SLC2A9: variants seen among roughly 807,000 people sequenced by gnomAD.
The protein encoded by SLC2A9 is solute carrier family 2, facilitated glucose transporter member 9.
Under a neutral mutation model 50.6 loss-of-function variants are expected in SLC2A9, and 39 were observed. The ratio of observed to expected loss-of-function variants is 0.77; its 90% CI spans 0.60 to 1.01. The LOEUF is 1.01. SLC2A9 is among the 50% of genes least tolerant of loss of function. The pLI is 0.00. For missense variants in SLC2A9, 686 were observed against 677.6 expected (o/e 1.01, Z -0.14); for synonymous variants, 324 against 276.9 (o/e 1.17, Z -1.69).
At chr4:9,888,116 T>G (rs6858614) in intron 9 of SLC2A9, among the ~76,000 whole-genome samples, 59,852 of 103,368 alleles carry the variant, frequency 0.58, 14,999 homozygotes, top group African/African-American at 0.76. Context: ...GGGCCTGTTT[T>G]GGGGGGTGGG....
intron 3 of SLC2A9, among the ~76,000 whole-genome samples, chr4:9,991,653 T>C (rs760632676): frequency 3.9e-5 from 6 of 152,028 alleles, no homozygotes; most frequent in Non-Finnish European, 8.8e-5. Flanking sequence ...TTTAAAGAGA[T>C]AATTAAACTA....
In SLC2A9 at chr4:9,980,578, G is replaced by A. The variant is rs780345976; in HGVS notation, c.681+14C>T. The A allele has an allele frequency of 1.9e-6, 3 of 1,614,002 alleles. No homozygotes were observed. The highest frequency in any genetic ancestry group is 8.5e-7 in the Non-Finnish European group (1 of 1,179,994). On this transcript the variant is annotated intron_variant, in intron 5 of 11. Coordinates refer to ENST00000264784, the MANE Select transcript of SLC2A9 (RefSeq NM_020041.3). ...GATGAGAGCAGATGCGGTTGACCAG[G>A]GAGCCACACTCACCTTTCCCAGCAG...
chr4:9,905,453 C>T (rs1740487237), intron 8 of SLC2A9, among the ~76,000 whole-genome samples: 1 of 152,226 alleles, frequency 6.6e-6, no homozygotes, highest in African/African-American at 2.4e-5. Context: ...GACTGAGATC[C>T]ACTGGGTCCA....
Position 10,026,937 on chromosome 4 carries a change from G to C in SLC2A9, c.-40-931C>G, listed in dbSNP as rs188143763. On this transcript the variant is annotated intron_variant, in intron 1 of 12. Transcript: ENST00000309065. Reference sequence around the variant, plus strand: ...CAGGCACCTGTAATCCCAGCTACTCGGGAGGCTGAGGCAGGAGAATTGCTT... The same window carrying C: ...CAGGCACCTGTAATCCCAGCTACTCCGGAGGCTGAGGCAGGAGAATTGCTT... Among the ~76,000 whole-genome samples the C allele has an allele frequency of 8.5e-5, 13 of 152,198 alleles. No homozygotes were observed. In the East Asian group the frequency reaches 2.5e-3, roughly 29 times the overall value.
chr4:9,789,420 G>A (rs1719626309), intron 3 of SLC2A9, among the ~76,000 whole-genome samples: 1 of 152,192 alleles, frequency 6.6e-6, no homozygotes, highest in African/African-American at 2.4e-5. Context: ...TCTATGTAGT[G>A]GTTCTGTGCT....
intron 10 of SLC2A9, among the ~76,000 whole-genome samples, chr4:9,858,096 T>C (rs1212823970): frequency 6.6e-6 from 1 of 152,216 alleles, no homozygotes; most frequent in Non-Finnish European, 1.5e-5. Flanking sequence ...AAAGGGTTTA[T>C]TGTATTATGA....
intron 3 of SLC2A9, among the ~76,000 whole-genome samples, chr4:9,816,558 A>G (rs1295619691): frequency 6.6e-6 from 1 of 152,162 alleles, no homozygotes; most frequent in East Asian, 1.9e-4. Flanking sequence ...AGAAAGGAAA[A>G]TGGTAAATAC....
intron 8 of SLC2A9, among the ~76,000 whole-genome samples, chr4:9,907,304 C>G (rs1740860889): frequency 6.6e-6 from 1 of 152,228 alleles, no homozygotes. Context: ...GAGTGCACTG[C>G]TCAGTGCTAC....
chr4:9,808,139 T>A (rs1722373033), intron 3 of SLC2A9, among the ~76,000 whole-genome samples: 1 of 152,216 alleles, frequency 6.6e-6, no homozygotes, highest in Non-Finnish European at 1.5e-5. Flanking sequence ...GTGTCTTGGC[T>A]GGAGCAGGGA....
intron 3 of SLC2A9, among the ~76,000 whole-genome samples, chr4:9,988,552 C>T (rs920125019): frequency 1.3e-5 from 2 of 152,204 alleles, no homozygotes; most frequent in Non-Finnish European, 2.9e-5. Flanking sequence ...ACTCACTGGG[C>T]TTCAGAGCAG....
Position 10,009,918 on chromosome 4 carries a change from G to A in SLC2A9, c.249+9057C>T, listed in dbSNP as rs57905135. On this transcript the variant is annotated intron_variant, in intron 2 of 11. Transcript: ENST00000264784. ...ACACAGTAGACAACTGTATAATAAA[G>A]TTTGGCTGGCCTTTGTCCCTGGTTC... is the stretch of plus-strand genomic sequence containing the variant. Among the ~76,000 whole-genome samples the A allele has an allele frequency of 4.2e-3, 642 of 152,308 alleles. 17 individuals carry two copies. In the East Asian group the frequency reaches 0.07, roughly 17 times the overall value.
intron 7 of SLC2A9, among the ~76,000 whole-genome samples, chr4:9,914,889 A>T (rs1435456997): frequency 6.6e-6 from 1 of 152,200 alleles, no homozygotes; most frequent in Non-Finnish European, 1.5e-5. Context: ...AAGCATACAA[A>T]GTAAGGACTC....
chr4:9,819,116 C>CAAAAAAAAAAAA (rs60751108), intron 3 of SLC2A9, among the ~76,000 whole-genome samples: 1 of 57,374 alleles, frequency 1.7e-5, no homozygotes, highest in Non-Finnish European at 3.9e-5. Context: ...GAGACTGTCT[C>CAAAAAAAAAAAA]AAAAAAAAAA....
chr4:10,025,584 T>A, upstream of SLC2A9: 6 of 322,362 alleles, frequency 1.9e-5, no homozygotes, highest in Middle Eastern at 1.0e-3. Flanking sequence ...TTTTAGTGTA[T>A]CTTTAACGAT....
At chr4:9,805,687 G>GTTT (rs58280694) in intron 3 of SLC2A9, among the ~76,000 whole-genome samples, 15 of 117,820 alleles carry the variant, frequency 1.3e-4, no homozygotes, top group African/African-American at 3.8e-4. Context: ...CAGGGTGTCA[G>GTTT]TTTTTTTTTT....
intron 5 of SLC2A9, among the ~76,000 whole-genome samples, chr4:9,948,523 C>A (rs934082866): frequency 4.6e-5 from 7 of 152,194 alleles, no homozygotes; most frequent in Non-Finnish European, 8.8e-5. Context: ...TGGCTGTGGA[C>A]CACAGCTGGG....
chr4:9,983,485 C>T (rs1380416279), intron 4 of SLC2A9, among the ~76,000 whole-genome samples: 1 of 152,190 alleles, frequency 6.6e-6, no homozygotes, highest in Admixed American at 6.5e-5. Flanking sequence ...CCCCCCTGGC[C>T]CAGGGTGGGA....
intron 2 of SLC2A9, among the ~76,000 whole-genome samples, chr4:10,017,939 C>G (rs13128385): frequency 0.037 from 5,690 of 152,166 alleles, 154 homozygotes; most frequent in Non-Finnish European, 0.058. Context: ...GTCCTACATC[C>G]CGGCCCCCCA....
chr4:9,800,658 T>C (rs574917458), intron 3 of SLC2A9, among the ~76,000 whole-genome samples: 7 of 152,174 alleles, frequency 4.6e-5, no homozygotes, highest in Non-Finnish European at 1.0e-4. Context: ...CGGATCAAAA[T>C]TATTCAGGAA....
Sources: allele counts gnomAD v4.1 joint callset (sites outside exome capture counted in the v4.1 genomes callset), GRCh38; gene constraint gnomAD v4.1.1; transcripts MANE v1.5; gene names NCBI Gene and HGNC (gene_info 2026-07-23, HGNC 2026-07-21).